Variants in EXOC6 observed in about 807,000 individuals in gnomAD.
EXOC6 encodes SEC15-like 1.
Under a neutral mutation model 112.5 loss-of-function variants are expected in EXOC6, and 60 were observed. That is an observed-to-expected ratio of 0.53 (90% confidence interval 0.43 to 0.66). The LOEUF (loss-of-function observed/expected upper bound fraction) is 0.66, where lower values mean the gene tolerates loss of function less well. EXOC6 is among the 30% of genes least tolerant of loss of function. EXOC6 has a pLI of 0.00. For missense variants in EXOC6, 855 were observed against 957.1 expected (o/e 0.89, Z 1.41); for synonymous variants, 295 against 308.0 (o/e 0.96, Z 0.44).
intron 18 of EXOC6, among the ~76,000 whole-genome samples, chr10:92,994,017 G>C (rs1589995167): frequency 6.6e-6 from 1 of 152,228 alleles, no homozygotes; most frequent in African/African-American, 2.4e-5. Context: ...GAGGATGGAT[G>C]AATCTGTCAC....
chr10:93,054,722 G>C (rs1008974565), intron 20 of EXOC6, among the ~76,000 whole-genome samples: 2 of 152,158 alleles, frequency 1.3e-5, no homozygotes, highest in African/African-American at 4.8e-5. Context: ...GGGTAAATCA[G>C]CCTAGAGAAA....
intron 1 of EXOC6, among the ~76,000 whole-genome samples, chr10:92,838,793 G>A (rs925919181): frequency 6.6e-6 from 1 of 152,190 alleles, no homozygotes; most frequent in African/African-American, 2.4e-5. Flanking sequence ...CCCCTACCTA[G>A]GCCAGGCACG....
upstream of EXOC6, among the ~76,000 whole-genome samples, chr10:92,831,616 G>T (rs1357245462): frequency 6.6e-6 from 1 of 151,850 alleles, no homozygotes; most frequent in Non-Finnish European, 1.5e-5. Context: ...TGTATTTTTA[G>T]TAGAGATGGG....
At chr10:92,970,363 A>G (rs1180023996) in intron 17 of EXOC6, among the ~76,000 whole-genome samples, 1 of 152,260 alleles carries the variant, frequency 6.6e-6, no homozygotes, top group Non-Finnish European at 1.5e-5. Flanking sequence ...TAGGTGTTAT[A>G]AGTAATCAAG....
chr10:92,885,237 A>G (rs1849153582), intron 1 of EXOC6, among the ~76,000 whole-genome samples: 1 of 152,208 alleles, frequency 6.6e-6, no homozygotes. Flanking sequence ...AATGTGTTTG[A>G]TACTTAAAAT....
chr10:92,882,400 C>T (rs1485711788), intron 1 of EXOC6, among the ~76,000 whole-genome samples: 1 of 151,800 alleles, frequency 6.6e-6, no homozygotes, highest in Non-Finnish European at 1.5e-5. Context: ...AAAAAATAGC[C>T]AGGCATGATG....
intron 20 of EXOC6, among the ~76,000 whole-genome samples, chr10:93,016,748 ATGT>A (rs1320564625): frequency 1.3e-5 from 2 of 151,988 alleles, no homozygotes. Context: ...CATAATTATT[ATGT>A]TATTATATGT....
chr10:92,946,892 C>T (rs1315702105), intron 13 of EXOC6, among the ~76,000 whole-genome samples: 1 of 152,188 alleles, frequency 6.6e-6, no homozygotes, highest in African/African-American at 2.4e-5. Context: ...CTCTGATAGT[C>T]ACTTCCTTCT....
At chr10:92,986,418 T>G (rs1437770640) in intron 18 of EXOC6, among the ~76,000 whole-genome samples, 1 of 152,080 alleles carries the variant, frequency 6.6e-6, no homozygotes, top group African/African-American at 2.4e-5. Context: ...GTTCTTTGTC[T>G]GGTTAACACA....
At chr10:93,043,288 T>C (rs572093998) in intron 20 of EXOC6, among the ~76,000 whole-genome samples, 2 of 152,206 alleles carry the variant, frequency 1.3e-5, no homozygotes, top group Non-Finnish European at 2.9e-5. Flanking sequence ...TCTACTGAGC[T>C]TTCCCTAAAG....
chr10:92,934,941 G>GC (rs1852265603), intron 11 of EXOC6, among the ~76,000 whole-genome samples: 1 of 151,922 alleles, frequency 6.6e-6, no homozygotes, highest in African/African-American at 2.4e-5. Context: ...TCTTCCTAAT[G>GC]CCTTTTCTGG....
intron 1 of EXOC6, among the ~76,000 whole-genome samples, chr10:92,872,467 A>G (rs1342178771): frequency 1.3e-5 from 2 of 151,996 alleles, no homozygotes; most frequent in African/African-American, 4.8e-5. Flanking sequence ...ATGGTTTTTT[A>G]TTAGGCTTCA....
intron 1 of EXOC6, among the ~76,000 whole-genome samples, chr10:92,828,704 G>A (rs1846424174): frequency 1.4e-5 from 1 of 69,218 alleles, no homozygotes; most frequent in Non-Finnish European, 3.4e-5. Context: ...GTGTGTGTGT[G>A]TGTGTGTGTG....
chr10:92,980,556 T>C (rs1300884012), intron 18 of EXOC6, among the ~76,000 whole-genome samples: 1 of 152,218 alleles, frequency 6.6e-6, no homozygotes, highest in Admixed American at 6.5e-5. Flanking sequence ...TTCATTCTTA[T>C]GACTTTGTAT....
At chr10:93,004,426 C>T (rs1367291783) in intron 19 of EXOC6, among the ~76,000 whole-genome samples, 1 of 152,088 alleles carries the variant, frequency 6.6e-6, no homozygotes, top group Non-Finnish European at 1.5e-5. Flanking sequence ...AAGTTAAGAC[C>T]CAGCTGATAC....
At chr10:92,868,326 T>C (rs979220047) in intron 1 of EXOC6, among the ~76,000 whole-genome samples, 11 of 152,168 alleles carry the variant, frequency 7.2e-5, no homozygotes, top group African/African-American at 1.9e-4. Context: ...TGTAGGTCTT[T>C]TTCATGTTGA....
At chr10:92,934,541 T>A in intron 11 of EXOC6, 111 bp downstream of exon 11, 1 of 923,126 alleles carries the variant, frequency 1.1e-6, no homozygotes, top group Non-Finnish European at 1.5e-6. Context: ...ATTTTTTTAG[T>A]AGTTGCTTAG....
At chr10:93,044,863 A>AT (rs1342156822) in intron 20 of EXOC6, among the ~76,000 whole-genome samples, 3 of 151,426 alleles carry the variant, frequency 2.0e-5, no homozygotes, top group Non-Finnish European at 4.4e-5. Flanking sequence ...GTTTTGGGGG[A>AT]TTTTTTATTT....
At chr10:92,872,363 G>A (rs1464246871) in intron 1 of EXOC6, among the ~76,000 whole-genome samples, 1 of 151,872 alleles carries the variant, frequency 6.6e-6, no homozygotes, top group Non-Finnish European at 1.5e-5. Context: ...AGATCAATCT[G>A]TTTTTATTCT....
Sources: gnomAD v4.1 joint callset for allele counts (sites outside exome capture counted in the v4.1 genomes callset) on GRCh38, gnomAD v4.1.1 for gene constraint, MANE v1.5 for transcripts, NCBI Gene and HGNC (gene_info 2026-07-23, HGNC 2026-07-21) for gene names.